LDLRAD3: variants seen among roughly 807,000 people sequenced by gnomAD.
The protein encoded by LDLRAD3 is low density lipoprotein receptor class A domain containing 3.
Under a neutral mutation model 29.4 loss-of-function variants are expected in LDLRAD3, and 20 were observed. That is an observed-to-expected ratio of 0.68 (90% CI 0.48 to 0.99). The LOEUF is 0.99. LDLRAD3 is among the 50% of genes least tolerant of loss of function. The pLI is 0.00. For missense variants in LDLRAD3, 420 were observed against 454.3 expected, an observed-to-expected ratio of 0.92 and a Z score of 0.69; for synonymous variants, 157 against 192.7, an observed-to-expected ratio of 0.81 and a Z score of 1.53.
In LDLRAD3 at chr11:35,994,300, G is replaced by A. The variant is rs147065305; in HGVS notation, c.47-41803G>A. On this transcript the variant is annotated intron_variant, in intron 1 of 5. Transcript: ENST00000315571. ...TGCAGTGAGCCGAGATAGTGCCACT[G>A]CACTCCAGCCTGGGGGACAGAGAGA... Among the ~76,000 whole-genome samples, 345 of 120,900 alleles carry A rather than the reference G, an allele frequency of 2.9e-3. 1 individual carries two copies. Among genetic ancestry groups the A allele is most frequent in the South Asian group, 6.4e-3 (23 of 3,588 alleles). The allele number at this position is 120,900 out of a possible 152,430, so 79.3% of individuals were successfully genotyped here. A position where few individuals can be genotyped will look rare whatever the true frequency, so the allele number is the denominator to read the frequency against.
At chr11:36,160,871 T>C (rs967272724) in intron 4 of LDLRAD3, among the ~76,000 whole-genome samples, 5 of 152,262 alleles carry the variant, frequency 3.3e-5, no homozygotes, top group African/African-American at 1.2e-4. Context: ...CTGGGCTCAC[T>C]GCAACCTCCG....
At chr11:36,105,823 T>C (rs1388717843) in intron 4 of LDLRAD3, among the ~76,000 whole-genome samples, 1 of 152,204 alleles carries the variant, frequency 6.6e-6, no homozygotes, top group Non-Finnish European at 1.5e-5. Flanking sequence ...TTCTATTGTT[T>C]TAGCTGCCTA....
rs1188008287 is a variant in LDLRAD3 at position 36,129,220 on chromosome 11, A to C, written c.454+30759A>C. On this transcript the variant is annotated intron_variant, in intron 4 of 5. Transcript: ENST00000315571. ...GGCATTTGTTCTCTGCCTGCTTCTGAGAAGAACACTATTAGCCCTTTTCTA... is the reference window on the plus strand; with the variant it reads ...GGCATTTGTTCTCTGCCTGCTTCTGCGAAGAACACTATTAGCCCTTTTCTA... Among the ~76,000 whole-genome samples the C allele has an allele frequency of 5.9e-5, 9 of 152,326 alleles. No homozygotes were observed. The East Asian group carries it at 1.7e-3, about 29-fold the overall frequency.
chr11:36,180,537 G>A (rs1206416872), intron 4 of LDLRAD3, among the ~76,000 whole-genome samples: 2 of 152,146 alleles, frequency 1.3e-5, no homozygotes, highest in Non-Finnish European at 2.9e-5. Context: ...AAGACAGGAG[G>A]CGTGTGCCAG....
At chr11:36,000,268 T>C (rs1851807026) in intron 1 of LDLRAD3, among the ~76,000 whole-genome samples, 1 of 148,666 alleles carries the variant, frequency 6.7e-6, no homozygotes, top group South Asian at 2.1e-4. Context: ...TAGTGTAATA[T>C]ATGTATATAT....
intron 4 of LDLRAD3, among the ~76,000 whole-genome samples, chr11:36,170,865 G>A (rs887023329): frequency 2.0e-5 from 3 of 151,120 alleles, no homozygotes; most frequent in South Asian, 2.1e-4. Flanking sequence ...GCAGGGGCGC[G>A]ATCTTGGCTC....
intron 1 of LDLRAD3, among the ~76,000 whole-genome samples, chr11:35,963,696 C>A (rs1851306315): frequency 6.6e-6 from 1 of 152,124 alleles, no homozygotes; most frequent in Non-Finnish European, 1.5e-5. Context: ...CAACATTGGC[C>A]ATAAGAAGTC....
chr11:36,001,644 G>A (rs1201547739), intron 1 of LDLRAD3, among the ~76,000 whole-genome samples: 3 of 152,134 alleles, frequency 2.0e-5, no homozygotes, highest in Non-Finnish European at 4.4e-5. Flanking sequence ...TTTTGTTGCT[G>A]TTTTTATTGT....
chr11:36,082,535 T>C (rs943300522), intron 3 of LDLRAD3, among the ~76,000 whole-genome samples: 1 of 152,220 alleles, frequency 6.6e-6, no homozygotes, highest in Admixed American at 6.5e-5. Flanking sequence ...ATGTTAGTTG[T>C]ATGCATACTA....
chr11:36,219,570 A>C (rs1018929381), intron 4 of LDLRAD3, among the ~76,000 whole-genome samples: 2 of 152,224 alleles, frequency 1.3e-5, no homozygotes, highest in African/African-American at 4.8e-5. Flanking sequence ...GCTTTTCAAC[A>C]AATGGTGTTA....
At chr11:36,004,756 C>CTGG (rs1347869622) in intron 1 of LDLRAD3, among the ~76,000 whole-genome samples, 51 of 152,338 alleles carry the variant, frequency 3.3e-4, no homozygotes, top group Middle Eastern at 3.4e-3. Context: ...CAGGAGTTTC[C>CTGG]ATACATCCTC....
chr11:36,213,265 G>T lies in LDLRAD3; in HGVS notation c.455-13820G>T, dbSNP rs1855308116. On this transcript the variant is annotated intron_variant, in intron 4 of 5. Coordinates refer to ENST00000315571, the MANE Select transcript of LDLRAD3 (RefSeq NM_174902.4). The surrounding 1 kb of genome is among the most constrained non-coding windows in gnomAD (Gnocchi z 4.1). ...GCCAGGATGGCCCCTGCTGTGGCCG[G>T]TCTGAGGTTGCGCAGCTCCAGTTTT... Among the ~76,000 whole-genome samples, 1 of 152,180 alleles carries T rather than the reference G, an allele frequency of 6.6e-6. No individual in the cohort carries two copies. Among genetic ancestry groups the T allele is most frequent in the Admixed American group, 6.5e-5 (1 of 15,280 alleles).
intron 4 of LDLRAD3, among the ~76,000 whole-genome samples, chr11:36,192,908 C>G: frequency 6.6e-6 from 1 of 152,160 alleles, no homozygotes; most frequent in Admixed American, 6.5e-5. Context: ...CAACGGAGTT[C>G]AAATCTGGAC....
intron 3 of LDLRAD3, among the ~76,000 whole-genome samples, 174 bp downstream of exon 3, chr11:36,081,952 A>G (rs1190920288): frequency 3.9e-5 from 6 of 152,326 alleles, no homozygotes; most frequent in South Asian, 2.1e-4. Context: ...ATGTTCAGCC[A>G]CCATTTATCA....
chr11:36,104,425 G>A (rs1353810462), intron 4 of LDLRAD3, among the ~76,000 whole-genome samples: 2 of 152,080 alleles, frequency 1.3e-5, no homozygotes, highest in Admixed American at 6.5e-5. Context: ...CTAAGTTTTG[G>A]GGGTCATTTT....
intron 4 of LDLRAD3, among the ~76,000 whole-genome samples, chr11:36,181,112 C>T (rs766688181): frequency 5.3e-5 from 8 of 151,824 alleles, no homozygotes; most frequent in Admixed American, 1.3e-4. Flanking sequence ...AACTTTTTAA[C>T]GATCAGATGC....
At chr11:36,019,618 A>G (rs1852068449) in intron 1 of LDLRAD3, among the ~76,000 whole-genome samples, 1 of 152,064 alleles carries the variant, frequency 6.6e-6, no homozygotes, top group Non-Finnish European at 1.5e-5. Flanking sequence ...AGGCTCCTTC[A>G]TTCCTGCCAG....
intron 1 of LDLRAD3, among the ~76,000 whole-genome samples, chr11:36,006,915 A>C (rs1851892398): frequency 6.6e-6 from 1 of 152,176 alleles, no homozygotes; most frequent in Non-Finnish European, 1.5e-5. Context: ...TTTTAGCCCA[A>C]GAGGGAGGAA....
At chr11:36,119,187 G>A (rs1853717273) in intron 4 of LDLRAD3, among the ~76,000 whole-genome samples, 1 of 152,200 alleles carries the variant, frequency 6.6e-6, no homozygotes, top group African/African-American at 2.4e-5. Flanking sequence ...CACATTCAAA[G>A]AACACTCTTG....
Sources: gnomAD v4.1 joint callset for allele counts (sites outside exome capture counted in the v4.1 genomes callset) on GRCh38, gnomAD v4.1.1 for gene constraint, Gnocchi (gnomAD v3.1) non-coding constraint, MANE v1.5 for transcripts, NCBI Gene and HGNC (gene_info 2026-07-23, HGNC 2026-07-21) for gene names.